The following ANXA4 variants were observed in gnomAD, a reference collection of about 807,000 sequenced individuals.
ANXA4 encodes the protein annexin A4.
A neutral mutation model predicts 49.8 loss-of-function variants in ANXA4; 39 were observed. That is an observed-to-expected ratio of 0.78 (90% CI 0.61 to 1.02). The LOEUF is 1.02. ANXA4 is among the 50% of genes least tolerant of loss of function. The probability of loss-of-function intolerance (pLI) is 0.00; values close to 1 mark genes in which losing one functional copy is unlikely to be tolerated. For synonymous variants in ANXA4, 134 were observed against 152.5 expected, an observed-to-expected ratio of 0.88 and a Z score of 0.89; for missense variants, 360 against 410.1, an observed-to-expected ratio of 0.88 and a Z score of 1.05.
At chr2:69,687,789 C>T (rs537388194) in intron 2 of ANXA4, among the ~76,000 whole-genome samples, 4 of 152,300 alleles carry the variant, frequency 2.6e-5, no homozygotes, top group South Asian at 2.1e-4. Context: ...CTGCCGCGCC[C>T]AGCTTACAAC....
At chr2:69,668,840 A>G (rs1383784401) in intron 2 of ANXA4, among the ~76,000 whole-genome samples, 2 of 152,196 alleles carry the variant, frequency 1.3e-5, no homozygotes, top group Non-Finnish European at 2.9e-5. Flanking sequence ...CAAGATGGTA[A>G]ACGCTGACAC....
At chr2:69,735,937 G>A (rs111278859) in intron 3 of ANXA4, among the ~76,000 whole-genome samples, 3,696 of 152,158 alleles carry the variant, frequency 0.024, 154 homozygotes, top group African/African-American at 0.085. Context: ...TCAAACTGCT[G>A]GGGCATGAAA....
At chr2:69,652,297 C>T (rs552804952) in intron 1 of ANXA4, among the ~76,000 whole-genome samples, 5 of 152,218 alleles carry the variant, frequency 3.3e-5, no homozygotes, top group South Asian at 4.1e-4. Context: ...TGAGCTACCA[C>T]GCCCAGCCTC....
intron 2 of ANXA4, among the ~76,000 whole-genome samples, chr2:69,702,579 T>G (rs1249360323): frequency 2.0e-5 from 3 of 151,918 alleles, no homozygotes; most frequent in East Asian, 1.9e-4. Context: ...CTGAGTGTGG[T>G]GGTGTATACC....
intron 3 of ANXA4, among the ~76,000 whole-genome samples, chr2:69,733,613 GAA>G (rs765187064): frequency 2.5e-5 from 3 of 119,828 alleles, no homozygotes; most frequent in Admixed American, 8.7e-5. Flanking sequence ...CCCTGTCTTA[GAA>G]AAAAAAAAAA....
intron 3 of ANXA4, among the ~76,000 whole-genome samples, chr2:69,734,996 T>C (rs1195673565): frequency 6.6e-6 from 1 of 152,154 alleles, no homozygotes; most frequent in Non-Finnish European, 1.5e-5. Flanking sequence ...GACAACATCC[T>C]GTTGTCCCCA....
At chr2:69,758,158 G>A (rs1422003217) in intron 1 of ANXA4, among the ~76,000 whole-genome samples, 3 of 152,178 alleles carry the variant, frequency 2.0e-5, no homozygotes, top group South Asian at 2.1e-4. Flanking sequence ...GATTACAGGC[G>A]TGCACCACCA....
chr2:69,670,197 T>G (rs930099903), intron 2 of ANXA4, among the ~76,000 whole-genome samples: 2 of 152,076 alleles, frequency 1.3e-5, no homozygotes, highest in African/African-American at 4.8e-5. Context: ...CCCAGCATTT[T>G]GGGAAGTCGA....
At chr2:69,747,747 G>A (rs939975589) in intron 1 of ANXA4, among the ~76,000 whole-genome samples, 3 of 152,058 alleles carry the variant, frequency 2.0e-5, no homozygotes, top group Middle Eastern at 3.2e-3. Context: ...GTGCCCTGGT[G>A]TAATCATAGC....
intron 3 of ANXA4, among the ~76,000 whole-genome samples, chr2:69,798,856 G>A (rs13018194): frequency 0.27 from 40,445 of 152,106 alleles, 5,852 homozygotes; most frequent in Admixed American, 0.45. Flanking sequence ...TGTCTGGGGT[G>A]AATACTGAGG....
intron 2 of ANXA4, among the ~76,000 whole-genome samples, chr2:69,684,007 T>C (rs1228879270): frequency 6.6e-6 from 1 of 152,198 alleles, no homozygotes; most frequent in Non-Finnish European, 1.5e-5. Flanking sequence ...AGTTGTGTTA[T>C]GTTAAAGATC....
intron 2 of ANXA4, among the ~76,000 whole-genome samples, chr2:69,658,521 T>G (rs1176909015): frequency 6.6e-6 from 1 of 152,186 alleles, no homozygotes; most frequent in African/African-American, 2.4e-5. Flanking sequence ...TCACGAAGAT[T>G]TAACAAATGA....
intron 2 of ANXA4, among the ~76,000 whole-genome samples, chr2:69,680,160 T>G (rs1428198140): frequency 6.6e-6 from 1 of 152,212 alleles, no homozygotes; most frequent in Non-Finnish European, 1.5e-5. Flanking sequence ...TTTCATTTGT[T>G]TGTGTCCTCT....
At chr2:69,762,115 T>A (rs2105526832) in intron 1 of ANXA4, among the ~76,000 whole-genome samples, 1 of 152,282 alleles carries the variant, frequency 6.6e-6, no homozygotes, top group Admixed American at 6.5e-5. Flanking sequence ...TAAATATAAT[T>A]AAAATGAAAC....
At chr2:69,682,168 G>C (rs1278570353) in intron 2 of ANXA4, among the ~76,000 whole-genome samples, 1 of 152,064 alleles carries the variant, frequency 6.6e-6, no homozygotes, top group African/African-American at 2.4e-5. Context: ...TGCTTTTCCA[G>C]TTCCTTGAAG....
chr2:69,762,236 G>A (rs911419902), intron 1 of ANXA4, among the ~76,000 whole-genome samples: 1 of 152,190 alleles, frequency 6.6e-6, no homozygotes, highest in Non-Finnish European at 1.5e-5. Flanking sequence ...AAGACAGGGT[G>A]AGGAGCCAGG....
In ANXA4 at chr2:69,669,877, G is replaced by T. The variant is rs1285661702; in HGVS notation, n.766+16595G>T. On this transcript the variant is annotated intron_variant and non_coding_transcript_variant, in intron 2 of 3. Coordinates refer to the ANXA4 transcript ENST00000418066. ...TCCCACCGCTACTCAAGATTGTAAA[G>T]ACTTCACCTTCCTTGCCTTATTTTA... Among the ~76,000 whole-genome samples the T allele has an allele frequency of 2.6e-5, 4 of 152,144 alleles. No homozygotes were observed. In the East Asian group the frequency reaches 7.7e-4, roughly 29 times the overall value.
intron 1 of ANXA4, among the ~76,000 whole-genome samples, chr2:69,778,756 CG>C (rs1672070249): frequency 9.1e-6 from 1 of 109,578 alleles, no homozygotes; most frequent in African/African-American, 3.8e-5. Context: ...GCCTGGGCAA[CG>C]AGAGTGAAAC....
At chr2:69,648,890 T>C (rs1393711784) in intron 1 of ANXA4, among the ~76,000 whole-genome samples, 1 of 144,946 alleles carries the variant, frequency 6.9e-6, no homozygotes, top group Non-Finnish European at 1.5e-5. Context: ...TTTCTTTTCT[T>C]TTTTTTTTTT....
Sources: gnomAD v4.1 joint callset for allele counts (sites outside exome capture counted in the v4.1 genomes callset) on GRCh38, gnomAD v4.1.1 for gene constraint, MANE v1.5 for transcripts, NCBI Gene and HGNC (gene_info 2026-07-23, HGNC 2026-07-21) for gene names.